Variants in CHCHD3 observed in about 807,000 individuals in gnomAD.
CHCHD3 encodes MICOS complex subunit MIC19.
Under a neutral mutation model 38.2 loss-of-function variants are expected in CHCHD3, and 20 were observed. That is an observed-to-expected ratio of 0.52 (90% CI 0.37 to 0.76). The LOEUF (loss-of-function observed/expected upper bound fraction) is 0.76, where lower values mean the gene tolerates loss of function less well. Among genes scored for constraint, CHCHD3 ranks in the 30% least tolerant of loss-of-function variants. The pLI is 0.00. For missense variants in CHCHD3, 245 were observed against 279.2 expected (o/e 0.88, Z 0.87); for synonymous variants, 82 against 100.0 (o/e 0.82, Z 1.07).
At chr7:132,808,624 A>C (rs1221803008) in intron 6 of CHCHD3, among the ~76,000 whole-genome samples, 1 of 152,126 alleles carries the variant, frequency 6.6e-6, no homozygotes, top group Non-Finnish European at 1.5e-5. Flanking sequence ...TGGTCAATTT[A>C]TTATTTGTTT....
chr7:132,917,728 G>A (rs1056169684), intron 4 of CHCHD3, among the ~76,000 whole-genome samples: 4 of 151,744 alleles, frequency 2.6e-5, no homozygotes, highest in South Asian at 2.1e-4. Context: ...GTGTGTTGGC[G>A]GGCGCCTGTA....
At chr7:132,792,933 A>T (rs1330735266) in intron 7 of CHCHD3, among the ~76,000 whole-genome samples, 2 of 152,234 alleles carry the variant, frequency 1.3e-5, no homozygotes, top group Non-Finnish European at 2.9e-5. Context: ...CTCCCAATGC[A>T]GCCCAATTCT....
chr7:132,917,754 G>A (rs1003077237), intron 4 of CHCHD3, among the ~76,000 whole-genome samples: 1 of 151,030 alleles, frequency 6.6e-6, no homozygotes, highest in Non-Finnish European at 1.5e-5. Flanking sequence ...AGTTACTCGG[G>A]AGGCTGAGGC....
intron 5 of CHCHD3, among the ~76,000 whole-genome samples, chr7:132,845,680 G>A (rs775053522): frequency 6.6e-6 from 1 of 152,140 alleles, no homozygotes. Flanking sequence ...TCTCTAAGAT[G>A]AGAACTACTG....
intron 4 of CHCHD3, among the ~76,000 whole-genome samples, chr7:132,957,455 C>T (rs1265781764): frequency 6.6e-6 from 1 of 152,010 alleles, no homozygotes; most frequent in Non-Finnish European, 1.5e-5. Context: ...GGGGCACACA[C>T]CCTCTGGGGC....
chr7:132,806,704 T>A (rs562401248), intron 6 of CHCHD3, among the ~76,000 whole-genome samples: 1 of 152,032 alleles, frequency 6.6e-6, no homozygotes, highest in East Asian at 1.9e-4. Flanking sequence ...TTTTTTTTTT[T>A]AAGATTCACA....
chr7:132,962,480 A>C (rs1811345625), intron 4 of CHCHD3, among the ~76,000 whole-genome samples: 1 of 152,204 alleles, frequency 6.6e-6, no homozygotes, highest in Non-Finnish European at 1.5e-5. Flanking sequence ...AATTACATGG[A>C]GTTGTACCTG....
intron 1 of CHCHD3, among the ~76,000 whole-genome samples, chr7:133,070,988 A>G (rs891848023): frequency 4.6e-5 from 7 of 152,168 alleles, no homozygotes; most frequent in Non-Finnish European, 1.0e-4. Flanking sequence ...GGTGAGAAAA[A>G]TCACATTAAA....
intron 4 of CHCHD3, chr7:132,973,258 G>A (rs1028690833): frequency 2.1e-5 from 21 of 985,226 alleles, no homozygotes; most frequent in South Asian, 1.4e-4. Context: ...TCTTCTGCCC[G>A]CTGGAAACTA....
intron 7 of CHCHD3, among the ~76,000 whole-genome samples, chr7:132,789,127 T>C (rs1394660393): frequency 6.6e-6 from 1 of 152,210 alleles, no homozygotes; most frequent in African/African-American, 2.4e-5. Flanking sequence ...TGTCTCTGTA[T>C]TGGTTCCGTA....
intron 3 of CHCHD3, among the ~76,000 whole-genome samples, chr7:132,997,773 T>G: frequency 6.6e-6 from 1 of 151,242 alleles, no homozygotes. Flanking sequence ...TCTTACACTC[T>G]GCGAATATCA....
At chr7:132,923,108 T>C (rs1810299299) in intron 4 of CHCHD3, among the ~76,000 whole-genome samples, 1 of 152,186 alleles carries the variant, frequency 6.6e-6, no homozygotes, top group Non-Finnish European at 1.5e-5. Flanking sequence ...CATACACCTT[T>C]CAAATATATG....
At chr7:133,061,523 G>A (rs1395268046) in intron 2 of CHCHD3, among the ~76,000 whole-genome samples, 6 of 151,944 alleles carry the variant, frequency 3.9e-5, no homozygotes, top group Admixed American at 2.6e-4. Context: ...ATGAAGTGAG[G>A]AGGAAAGCAG....
intron 7 of CHCHD3, among the ~76,000 whole-genome samples, chr7:132,796,241 C>T (rs959395584): frequency 6.6e-6 from 1 of 152,162 alleles, no homozygotes; most frequent in African/African-American, 2.4e-5. Flanking sequence ...ATGAGTTGTA[C>T]ATAAGGAAGA....
chr7:133,050,551 ATG>A (rs1161397324), intron 2 of CHCHD3, among the ~76,000 whole-genome samples: 1 of 152,064 alleles, frequency 6.6e-6, no homozygotes. Context: ...TGGGCTCTGA[ATG>A]TAAGCTTCAA....
Position 133,062,580 on chromosome 7 carries a change from T to C in CHCHD3, c.169+7562A>G, listed in dbSNP as rs554034019. 5.9e-5 allele frequency among the ~76,000 whole-genome samples: 9 copies of C among 152,290 alleles called. No homozygotes were observed. In the East Asian group the frequency reaches 1.5e-3, roughly 26 times the overall value. On this transcript the variant is annotated intron_variant, in intron 2 of 7. Coordinates refer to ENST00000262570, the MANE Select transcript of CHCHD3 (RefSeq NM_017812.4). ...TACAATCCACTATCCCATAATTCCATTTAAAGTTAGTGTCCAGAATCTACA... is the reference window on the plus strand; with the variant it reads ...TACAATCCACTATCCCATAATTCCACTTAAAGTTAGTGTCCAGAATCTACA...
chr7:132,939,255 T>C (rs1486535525), intron 4 of CHCHD3, among the ~76,000 whole-genome samples: 10 of 152,190 alleles, frequency 6.6e-5, no homozygotes, highest in Non-Finnish European at 1.5e-4. Flanking sequence ...ACAAATTCTA[T>C]AGTAATAGTA....
At chr7:132,856,244 T>G (rs553145705) in intron 5 of CHCHD3, among the ~76,000 whole-genome samples, 14 of 152,250 alleles carry the variant, frequency 9.2e-5, no homozygotes, top group Middle Eastern at 6.8e-3. Flanking sequence ...CACCCATCCA[T>G]GAGAGACAAA....
At chr7:132,876,417 A>C (rs1026098982) in intron 5 of CHCHD3, among the ~76,000 whole-genome samples, 7 of 152,222 alleles carry the variant, frequency 4.6e-5, no homozygotes, top group Non-Finnish European at 7.3e-5. Flanking sequence ...TAAAAGTGGA[A>C]TTAATTTTCC....
Sources: allele counts gnomAD v4.1 joint callset (sites outside exome capture counted in the v4.1 genomes callset), GRCh38; gene constraint gnomAD v4.1.1; transcripts MANE v1.5; gene names NCBI Gene and HGNC (gene_info 2026-07-23, HGNC 2026-07-21).